The following ZBTB25 variants were observed in gnomAD, a reference collection of about 807,000 sequenced individuals.
The protein encoded by ZBTB25 is zinc finger and BTB domain containing 25.
A neutral mutation model predicts 34.2 loss-of-function variants in ZBTB25; 20 were observed. The ratio of observed to expected loss-of-function variants is 0.58; its 90% confidence interval spans 0.41 to 0.85. The LOEUF is 0.85. Among genes scored for constraint, ZBTB25 ranks in the 40% least tolerant of loss-of-function variants. ZBTB25 has a pLI of 0.00. For missense variants in ZBTB25, 437 were observed against 521.8 expected, an observed-to-expected ratio of 0.84 and a Z score of 1.58; for synonymous variants, 175 against 186.4, an observed-to-expected ratio of 0.94 and a Z score of 0.50.
At chr14:64,458,605 T>C (rs1405611187) in intron 2 of ZBTB25, 3 of 431,960 alleles carry the variant, frequency 6.9e-6, no homozygotes, top group Non-Finnish European at 1.3e-5. Context: ...GAGGTTAGAC[T>C]CCCTCTGCTG....
chr14:64,469,186 T>C, intron 2 of ZBTB25: 1 of 1,614,164 alleles, frequency 6.2e-7, no homozygotes, highest in Admixed American at 1.7e-5. Flanking sequence ...TACTTTCTGA[T>C]GTTCCTCCTT....
chr14:64,449,731 G>A (rs771089034), intron 2 of ZBTB25: 15 of 1,317,556 alleles, frequency 1.1e-5, no homozygotes, highest in Non-Finnish European at 1.5e-5. Context: ...TCAGCCTTGC[G>A]GTTTGATTCC....
At chr14:64,469,296 C>A (rs1208234549) in intron 2 of ZBTB25, 1 of 1,613,222 alleles carries the variant, frequency 6.2e-7, no homozygotes, top group East Asian at 2.2e-5. Context: ...GAGATTGTAG[C>A]TGAAGAAACT....
At chr14:64,469,150 T>G in intron 2 of ZBTB25, 1 of 1,614,124 alleles carries the variant, frequency 6.2e-7, no homozygotes. Context: ...CACTTGAAAC[T>G]TCAGAAACAG....
At chr14:64,470,299 G>A (rs2078654728) in intron 2 of ZBTB25, 1 of 166,936 alleles carries the variant, frequency 6.0e-6, no homozygotes, top group African/African-American at 2.4e-5. Context: ...TCTCTTATAA[G>A]CGCTATTTGG....
At chr14:64,455,000 C>A (rs2140989420) in intron 2 of ZBTB25, 1 of 981,782 alleles carries the variant, frequency 1.0e-6, no homozygotes, top group Non-Finnish European at 1.6e-6. Flanking sequence ...TGGAATCGGG[C>A]CTATTATGAT....
rs2078861515 is a variant in ZBTB25, at chr14:64,486,311, AAG to A, written c.*610_*611del. 2.0e-6 allele frequency: 2 copies of A among 985,016 alleles called. No individual in the cohort carries two copies. The highest frequency in any genetic ancestry group is 2.4e-6 in the Non-Finnish European group (2 of 829,646). 61.0% of individuals were successfully genotyped at this position (985,016 alleles called of 1,614,324 possible). On this transcript the variant is annotated 3_prime_UTR_variant, in exon 3 of 3. Coordinates refer to ENST00000608382, the MANE Select transcript of ZBTB25 (RefSeq NM_006977.5). ...AGAGAGACTCTGTCTCAAAAAAAAA[AAG>A]AGGTATACTCAATGTTAAAAAGTAA...
Position 64,486,664 on chromosome 14 carries a change from A to T in ZBTB25, c.*259T>A. On this transcript the variant is annotated 3_prime_UTR_variant, in exon 3 of 3. Transcript: ENST00000608382. ...CTATAAATAACTATTTAAGGTTTCC[A>T]TATTTCTACATTGATTTCTGATTTC... 1 of 1,094,588 alleles carries T rather than the reference A, an allele frequency of 9.1e-7. No individual in the cohort carries two copies. Among genetic ancestry groups the T allele is most frequent in the Non-Finnish European group, 1.1e-6 (1 of 885,266 alleles). 67.8% of individuals were successfully genotyped at this position (1,094,588 alleles called of 1,614,324 possible).
chr14:64,489,511 C>T (rs2078998912), intron 2 of ZBTB25, among the ~76,000 whole-genome samples: 1 of 151,234 alleles, frequency 6.6e-6, no homozygotes, highest in Non-Finnish European at 1.5e-5. Context: ...GATAAGCCTT[C>T]AATAAATTTT....
At chr14:64,498,364 G>A (rs910236237) in intron 1 of ZBTB25, among the ~76,000 whole-genome samples, 25 of 151,668 alleles carry the variant, frequency 1.6e-4, no homozygotes. Flanking sequence ...GCAGGCTGGA[G>A]TGCAATGGCG....
At chr14:64,495,354 G>A (rs1298745495) in intron 1 of ZBTB25, among the ~76,000 whole-genome samples, 1 of 152,170 alleles carries the variant, frequency 6.6e-6, no homozygotes. Context: ...CACATGTACA[G>A]TTGAGGGGTT....
chr14:64,458,727 T>C, intron 2 of ZBTB25: 1 of 244,964 alleles, frequency 4.1e-6, no homozygotes, highest in Non-Finnish European at 8.1e-6. Context: ...GCAAATGTCT[T>C]AGGAAGTATA....
At chr14:64,503,143 C>T (rs941681797) in intron 1 of ZBTB25, 5 of 985,502 alleles carry the variant, frequency 5.1e-6, no homozygotes, top group Non-Finnish European at 4.8e-6. Flanking sequence ...AAAAGAAAAA[C>T]CGGATATGCT....
At chr14:64,454,821 T>G in intron 2 of ZBTB25, 1 of 1,614,226 alleles carries the variant, frequency 6.2e-7, no homozygotes, top group Non-Finnish European at 8.5e-7. Context: ...TTCTGCCCAT[T>G]CGCGACATCC....
chr14:64,501,275 A>G (rs2079488046), intron 1 of ZBTB25, among the ~76,000 whole-genome samples: 1 of 152,174 alleles, frequency 6.6e-6, no homozygotes, highest in African/African-American at 2.4e-5. Flanking sequence ...CTCTATATAC[A>G]CTATCTCTTA....
chr14:64,457,721 G>A (rs1309340197), intron 2 of ZBTB25, among the ~76,000 whole-genome samples: 4 of 152,176 alleles, frequency 2.6e-5, no homozygotes, highest in Admixed American at 1.3e-4. Flanking sequence ...CTCCCAGAGT[G>A]CTAGGATTAT....
intron 1 of ZBTB25, chr14:64,503,424 A>T (rs1157045443): frequency 2.0e-6 from 2 of 985,318 alleles, no homozygotes; most frequent in African/African-American, 1.7e-5. Context: ...AGGCCCCGGC[A>T]GCCGCTCCTA....
intron 2 of ZBTB25, chr14:64,469,780 T>A: frequency 1.2e-6 from 1 of 867,868 alleles, no homozygotes; most frequent in Non-Finnish European, 1.8e-6. Context: ...ATTTATCATC[T>A]CTAGAACTTA....
intron 1 of ZBTB25, among the ~76,000 whole-genome samples, chr14:64,501,093 T>A (rs2079481416): frequency 6.6e-6 from 1 of 152,120 alleles, no homozygotes. Flanking sequence ...TATAAAAAAA[T>A]TTAATCAATA....
Sources: allele counts gnomAD v4.1 joint callset (sites outside exome capture counted in the v4.1 genomes callset), GRCh38; gene constraint gnomAD v4.1.1; transcripts MANE v1.5; gene names NCBI Gene and HGNC (gene_info 2026-07-23, HGNC 2026-07-21).